Variants in SLC35F4 observed in about 807,000 individuals in gnomAD.
SLC35F4 encodes solute carrier family 35 member F4, also known as chromosome 14 open reading frame 36.
SLC35F4 carries 24 observed loss-of-function variants against 44.2 expected under a neutral mutation model. The ratio of observed to expected loss-of-function variants is 0.54; its 90% CI spans 0.39 to 0.76. The LOEUF (loss-of-function observed/expected upper bound fraction) is 0.76. SLC35F4 is among the 30% of genes least tolerant of loss of function. The pLI is 0.00. For synonymous variants in SLC35F4, 238 were observed against 223.6 expected, an observed-to-expected ratio of 1.06 and a Z score of -0.57; for missense variants, 562 against 586.1, an observed-to-expected ratio of 0.96 and a Z score of 0.42.
At chr14:57,773,015 CTGT>C (rs965306734) in intron 1 of SLC35F4, among the ~76,000 whole-genome samples, 50 of 151,926 alleles carry the variant, frequency 3.3e-4, no homozygotes, top group Admixed American at 1.6e-3. Context: ...ATGCCAACAT[CTGT>C]TGTTTTTTTT....
chr14:57,587,729 A>G (rs2069858223), intron 3 of SLC35F4, among the ~76,000 whole-genome samples: 1 of 152,194 alleles, frequency 6.6e-6, no homozygotes, highest in African/African-American at 2.4e-5. Context: ...CATGTAACAA[A>G]GCTGCACGTT....
At chr14:57,726,917 A>G (rs1359852130) in intron 1 of SLC35F4, among the ~76,000 whole-genome samples, 1 of 152,136 alleles carries the variant, frequency 6.6e-6, no homozygotes, top group Non-Finnish European at 1.5e-5. Context: ...AATATAAAGC[A>G]GGTAGAAAAA....
intron 1 of SLC35F4, among the ~76,000 whole-genome samples, chr14:57,965,447 A>G (rs1890421458): frequency 6.6e-6 from 1 of 152,122 alleles, no homozygotes; most frequent in Non-Finnish European, 1.5e-5. Flanking sequence ...ATCAGCTTTA[A>G]TTTCATCTGC....
chr14:57,681,386 G>T (rs1284471332), intron 1 of SLC35F4, among the ~76,000 whole-genome samples: 2 of 152,038 alleles, frequency 1.3e-5, no homozygotes, highest in African/African-American at 2.4e-5. Context: ...ATGGATTAAA[G>T]ACTTAAAGGT....
chr14:57,776,048 A>C (rs1415099634), intron 1 of SLC35F4, among the ~76,000 whole-genome samples: 1 of 152,228 alleles, frequency 6.6e-6, no homozygotes, highest in African/African-American at 2.4e-5. Flanking sequence ...AGAGGAAAGA[A>C]TCTCAGAGCT....
intron 1 of SLC35F4, among the ~76,000 whole-genome samples, chr14:57,728,281 G>A (rs1023183759): frequency 6.6e-6 from 1 of 151,888 alleles, no homozygotes. Flanking sequence ...ATCTTTATAT[G>A]TGAATTGTGT....
chr14:57,688,288 G>A (rs182376047), intron 1 of SLC35F4, among the ~76,000 whole-genome samples: 1 of 152,286 alleles, frequency 6.6e-6, no homozygotes, highest in Admixed American at 6.5e-5. Flanking sequence ...GTACAGACAT[G>A]TGGGACCTAA....
At chr14:57,591,005 A>G (rs773303589) in intron 2 of SLC35F4, among the ~76,000 whole-genome samples, 15 of 152,212 alleles carry the variant, frequency 9.9e-5, no homozygotes, top group South Asian at 4.1e-4. Context: ...TGGGGAATAT[A>G]AACCAAGTAA....
intron 1 of SLC35F4, among the ~76,000 whole-genome samples, chr14:57,832,919 C>T (rs1422690043): frequency 7.2e-5 from 11 of 152,178 alleles, no homozygotes; most frequent in Non-Finnish European, 1.0e-4. Flanking sequence ...TTTCTGTCAG[C>T]CTAGCCAACA....
chr14:57,765,076 C>T (rs775106126), intron 1 of SLC35F4, among the ~76,000 whole-genome samples: 7 of 152,172 alleles, frequency 4.6e-5, no homozygotes, highest in East Asian at 3.9e-4. Flanking sequence ...ACTATGTCCC[C>T]GAACTCAGGA....
intron 1 of SLC35F4, among the ~76,000 whole-genome samples, chr14:57,929,398 G>A (rs979218562): frequency 2.0e-5 from 3 of 151,746 alleles, no homozygotes; most frequent in African/African-American, 7.3e-5. Flanking sequence ...CATTTATTTG[G>A]GTTTTCCCAA....
chr14:57,774,525 G>A (rs2077443033), intron 1 of SLC35F4, among the ~76,000 whole-genome samples: 1 of 152,176 alleles, frequency 6.6e-6, no homozygotes, highest in South Asian at 2.1e-4. Flanking sequence ...GGAGACTTTA[G>A]CCCTAGGGGA....
chr14:57,794,540 A>G (rs997799244), intron 1 of SLC35F4, among the ~76,000 whole-genome samples: 5 of 152,126 alleles, frequency 3.3e-5, no homozygotes, highest in African/African-American at 1.2e-4. Context: ...CAAGTCAAAA[A>G]TTAATAGATA....
intron 1 of SLC35F4, among the ~76,000 whole-genome samples, chr14:57,708,234 A>C (rs988352181): frequency 6.6e-6 from 1 of 152,200 alleles, no homozygotes; most frequent in African/African-American, 2.4e-5. Context: ...AACCAGTAAC[A>C]GAAGACAGCA....
At chr14:57,791,043 C>T (rs2077904698) in intron 1 of SLC35F4, among the ~76,000 whole-genome samples, 1 of 152,170 alleles carries the variant, frequency 6.6e-6, no homozygotes, top group Non-Finnish European at 1.5e-5. Context: ...AGAAGAAAAG[C>T]TAGGCAATAC....
chr14:57,717,869 A>G (rs549359643), intron 1 of SLC35F4, among the ~76,000 whole-genome samples: 31 of 152,284 alleles, frequency 2.0e-4, no homozygotes, highest in African/African-American at 7.5e-4. Context: ...ATCCAATTAT[A>G]CTGTTTTGGT....
intron 1 of SLC35F4, among the ~76,000 whole-genome samples, chr14:57,607,879 T>C (rs768951726): frequency 3.3e-5 from 5 of 152,060 alleles, no homozygotes; most frequent in Non-Finnish European, 5.9e-5. Flanking sequence ...TATAAATTGG[T>C]AAATAATTGA....
intron 1 of SLC35F4, among the ~76,000 whole-genome samples, chr14:57,598,498 A>G (rs1194601719): frequency 2.6e-5 from 4 of 152,212 alleles, no homozygotes; most frequent in Non-Finnish European, 5.9e-5. Flanking sequence ...GATTGAGTAT[A>G]AGATGTGAAG....
Position 57,926,725 on chromosome 14 carries a change from T to TG in SLC35F4, n.282+55187dup, listed in dbSNP as rs3034470. Reference sequence around the variant, plus strand: ...AAGGAATATAACAATGAAGTAGGGTTGGGGGGGGGGGGTGGATATATATAG... The same window carrying TG: ...AAGGAATATAACAATGAAGTAGGGTTGGGGGGGGGGGGGTGGATATATATAG... On this transcript the variant is annotated intron_variant and non_coding_transcript_variant, in intron 1 of 1. Transcript: ENST00000556568. 9.2e-3 allele frequency among the ~76,000 whole-genome samples: 1,156 copies of TG among 125,456 alleles called. 15 individuals carry two copies. Among genetic ancestry groups the TG allele is most frequent in the South Asian group, 0.031 (99 of 3,230 alleles). 82.3% of individuals were successfully genotyped at this position (125,456 alleles called of 152,430 possible).
Sources: allele counts gnomAD v4.1 joint callset (sites outside exome capture counted in the v4.1 genomes callset), GRCh38; gene constraint gnomAD v4.1.1; transcripts MANE v1.5; gene names NCBI Gene and HGNC (gene_info 2026-07-23, HGNC 2026-07-21).